The following CCDC150 variants were observed in gnomAD, a reference collection of about 807,000 sequenced individuals.
CCDC150 encodes the protein coiled-coil domain-containing protein 150.
A neutral mutation model predicts 156.5 loss-of-function variants in CCDC150; 151 were observed. That is an observed-to-expected ratio of 0.97 (90% CI 0.85 to 1.10). The LOEUF is 1.10. Among genes scored for constraint, CCDC150 ranks in the 50% least tolerant of loss-of-function variants. The pLI, the probability that CCDC150 is intolerant of heterozygous loss-of-function variation, is 0.00. For missense variants in CCDC150, 1,312 were observed against 1,268.1 expected (o/e 1.03, Z -0.53); for synonymous variants, 452 against 429.4 (o/e 1.05, Z -0.65).
chr2:196,697,358 T>A (rs1695898425), intron 14 of CCDC150, among the ~76,000 whole-genome samples: 1 of 152,124 alleles, frequency 6.6e-6, no homozygotes. Flanking sequence ...GCAATTTAAT[T>A]CCATTACCAC....
In CCDC150 at chr2:196,639,794, C is replaced by T. The variant is rs1692096403; in HGVS notation, c.12+16C>T. 6.3e-7 allele frequency: 1 copy of T among 1,575,882 alleles called. No homozygotes were observed. The highest frequency in any genetic ancestry group is 1.7e-5 in the Admixed American group (1 of 58,232). ...GGACTGTAAGGTGAGGCTGCCGGGC[C>T]CCGGGCTGGTGAGGGGTGGTCGGAG... On this transcript the variant is annotated intron_variant, in intron 1 of 27. Coordinates refer to ENST00000389175, the MANE Select transcript of CCDC150 (RefSeq NM_001080539.2).
At chr2:196,641,896 C>G (rs1287476764) in intron 1 of CCDC150, among the ~76,000 whole-genome samples, 4 of 152,110 alleles carry the variant, frequency 2.6e-5, no homozygotes, top group Non-Finnish European at 5.9e-5. Context: ...AGGAATGGAG[C>G]CTGTGTCCAC....
At chr2:196,687,238 A>G (rs1695175221) in intron 13 of CCDC150, among the ~76,000 whole-genome samples, 1 of 152,144 alleles carries the variant, frequency 6.6e-6, no homozygotes, top group Admixed American at 6.5e-5. Flanking sequence ...ACAGTGTGCA[A>G]GTGTTCCTTT....
In CCDC150 at chr2:196,717,621, G is replaced by A. The variant is rs376875417; in HGVS notation, c.1867-882G>A. Among the ~76,000 whole-genome samples the A allele has an allele frequency of 2.0e-4, 31 of 152,312 alleles. No homozygotes were observed. The East Asian group carries it at 3.5e-3, about 17-fold the overall frequency. ...AAGCAGGATAAAGGGGCGGGGCGTG[G>A]TTTCTCGCGCCTGTAACCCCATCAC... On this transcript the variant is annotated intron_variant, in intron 17 of 27. Coordinates refer to ENST00000389175, the MANE Select transcript of CCDC150 (RefSeq NM_001080539.2).
intron 1 of CCDC150, among the ~76,000 whole-genome samples, chr2:196,642,740 A>AT (rs1462886210): frequency 5.9e-5 from 9 of 151,710 alleles, no homozygotes; most frequent in Non-Finnish European, 1.0e-4. Flanking sequence ...ACTTGTTTTC[A>AT]TTTTTTATTT....
chr2:196,718,474 T>A (rs747695159), intron 17 of CCDC150, 29 bp from the exon 18 acceptor site: 2 of 1,543,078 alleles, frequency 1.3e-6, no homozygotes. Flanking sequence ...ATTTGTAATG[T>A]TATTTATTGT....
At chr2:196,708,177 A>G (rs986788088) in intron 15 of CCDC150, among the ~76,000 whole-genome samples, 12 of 152,108 alleles carry the variant, frequency 7.9e-5, no homozygotes, top group African/African-American at 2.9e-4. Flanking sequence ...TTCCTTTATG[A>G]ATCTGGGTGC....
chr2:196,669,085 T>G (rs1386370367), intron 7 of CCDC150, among the ~76,000 whole-genome samples: 1 of 152,206 alleles, frequency 6.6e-6, no homozygotes, highest in African/African-American at 2.4e-5. Flanking sequence ...TCCACAATTT[T>G]CTGTCTTTGG....
chr2:196,676,101 C>A (rs1431090103), intron 10 of CCDC150, 42 bp from the exon 11 acceptor site: 1 of 1,607,176 alleles, frequency 6.2e-7, no homozygotes, highest in Non-Finnish European at 8.5e-7. Flanking sequence ...TATCAAAAGA[C>A]TTTGTGGAGC....
chr2:196,661,012 A>T (rs1693526800), intron 5 of CCDC150, among the ~76,000 whole-genome samples: 2 of 152,180 alleles, frequency 1.3e-5, no homozygotes, highest in South Asian at 2.1e-4. Flanking sequence ...TCTTCTTGGC[A>T]TGTGGATGTC....
At chr2:196,716,917 G>A (rs903830392) in intron 17 of CCDC150, among the ~76,000 whole-genome samples, 2 of 142,338 alleles carry the variant, frequency 1.4e-5, no homozygotes, top group African/African-American at 5.3e-5. Context: ...GTACAGTGGC[G>A]CCATCTTGGC....
chr2:196,659,649 T>G (rs1224430801), intron 5 of CCDC150, among the ~76,000 whole-genome samples: 1 of 152,174 alleles, frequency 6.6e-6, no homozygotes, highest in Non-Finnish European at 1.5e-5. Context: ...TAGAATGTAT[T>G]CAGTTTATTT....
intron 13 of CCDC150, among the ~76,000 whole-genome samples, chr2:196,685,768 C>T (rs183950070): frequency 1.7e-4 from 26 of 152,110 alleles, no homozygotes; most frequent in Non-Finnish European, 2.5e-4. Context: ...CCTACCACCA[C>T]GCCTGGCTAA....
At position 196,719,531 on chromosome 2, in the gene CCDC150, A is replaced by G; in HGVS notation, c.2030A>G (p.Lys677Arg). Residue 677 changes from lysine to arginine, a missense_variant, in exon 19 of 28, where the codon AAA becomes AGA. Transcript: ENST00000389175. ...GNFQRQLAEAKEDNCKVTIML... is the reference protein window; with the variant it reads ...GNFQRQLAEAREDNCKVTIML... ...TTTCAGCGACAATTGGCAGAAGCTA[A>G]AGAAGACAACTGCAAAGTCACAATC... is the stretch of plus-strand genomic sequence containing the variant. The G allele has an allele frequency of 6.2e-7, 1 of 1,611,602 alleles. No individual in the cohort carries two copies. Among genetic ancestry groups the G allele is most frequent in the Non-Finnish European group, 8.5e-7 (1 of 1,178,972 alleles).
chr2:196,709,021 C>T (rs1696887021), intron 15 of CCDC150, among the ~76,000 whole-genome samples: 1 of 152,148 alleles, frequency 6.6e-6, no homozygotes, highest in African/African-American at 2.4e-5. Flanking sequence ...GCGGTGTTCT[C>T]TGTATATCCT....
intron 13 of CCDC150, among the ~76,000 whole-genome samples, chr2:196,683,983 C>T (rs1020352940): frequency 6.6e-6 from 1 of 151,896 alleles, no homozygotes; most frequent in African/African-American, 2.4e-5. Context: ...AGATTTTTCT[C>T]TATCTTATTT....
At position 196,732,099 on chromosome 2, in the gene CCDC150, C is replaced by T; in HGVS notation, c.3136C>T (p.Leu1046=). ...KHRFDGLQLE[L]TKNRLQRPSG... The stretch of plus-strand genomic sequence containing the variant: ...CAGGTTTGATGGTCTACAACTTGAG[C>T]TGACAAAAAACCGGTTGCAGAGGCC... The change falls in exon 27 of 28, where the codon CTG becomes TTG. Residue 1046 remains leucine, a synonymous_variant. Coordinates refer to ENST00000389175, the MANE Select transcript of CCDC150 (RefSeq NM_001080539.2). 2 of 1,613,838 alleles carry T rather than the reference C, an allele frequency of 1.2e-6. No homozygotes were observed. The highest frequency in any genetic ancestry group is 1.7e-6 in the Non-Finnish European group (2 of 1,179,794).
In CCDC150 at chr2:196,695,922, T is replaced by G. The variant is rs545617602; in HGVS notation, c.1623+763T>G. On this transcript the variant is annotated intron_variant, in intron 14 of 27. Transcript: ENST00000389175. The stretch of plus-strand genomic sequence containing the variant: ...TTTCGAATACATGAAAAAGTATTAC[T>G]TACTTGCTTTTAAGCATGCAAATAA... 3.9e-5 allele frequency among the ~76,000 whole-genome samples: 6 copies of G among 152,380 alleles called. No individual in the cohort carries two copies. In the South Asian group the frequency reaches 1.2e-3, roughly 32 times the overall value.
At chr2:196,657,346 GTACAACCCTTACCCCA>G in intron 4 of CCDC150, 1 of 512,716 alleles carries the variant, frequency 2.0e-6, no homozygotes, top group Non-Finnish European at 3.5e-6. Context: ...TTGATTATTT[GTACAACCCTTACCCCA>G]TACAAGTGAT....
Sources: allele counts gnomAD v4.1 joint callset (sites outside exome capture counted in the v4.1 genomes callset), GRCh38; gene constraint gnomAD v4.1.1; transcripts MANE v1.5; gene names NCBI Gene and HGNC (gene_info 2026-07-23, HGNC 2026-07-21).